Variants in SLC44A5 observed in about 807,000 individuals in gnomAD.
SLC44A5 encodes solute carrier family 44 member 5.
A neutral mutation model predicts 101.8 loss-of-function variants in SLC44A5; 57 were observed. The ratio of observed to expected loss-of-function variants is 0.56; its 90% confidence interval spans 0.45 to 0.70. The LOEUF is 0.70. SLC44A5 is among the 30% of genes least tolerant of loss of function. The pLI, the probability that SLC44A5 is intolerant of heterozygous loss-of-function variation, is 0.00. For synonymous variants in SLC44A5, 281 were observed against 290.9 expected (o/e 0.97, Z 0.35); for missense variants, 737 against 853.1 (o/e 0.86, Z 1.70).
chr1:75,491,731 GCACACACACACA>G (rs35416517), intron 2 of SLC44A5, among the ~76,000 whole-genome samples: 1 of 147,938 alleles, frequency 6.8e-6, no homozygotes, highest in Non-Finnish European at 1.5e-5. Context: ...ACGCACGCAC[GCACACACACACA>G]CACACACAGT....
chr1:75,302,104 G>GTTTTTTTTTTTTTTTTTTT lies in SLC44A5; in HGVS notation c.102-1420_102-1419insAAAAAAAAAAAAAAAAAAA, dbSNP rs1204998592. 8.1e-5 allele frequency among the ~76,000 whole-genome samples: 4 copies of GTTTTTTTTTTTTTTTTTTT among 49,590 alleles called. 1 individual carries two copies. Among genetic ancestry groups the GTTTTTTTTTTTTTTTTTTT allele is most frequent in the Admixed American group, 5.8e-4 (2 of 3,460 alleles). The allele number at this position is 49,590 out of a possible 152,430, so 32.5% of individuals were successfully genotyped here. A position where few individuals can be genotyped will look rare whatever the true frequency, so the allele number is the denominator to read the frequency against. On this transcript the variant is annotated intron_variant, in intron 4 of 23. Coordinates refer to ENST00000370859, the MANE Select transcript of SLC44A5 (RefSeq NM_001130058.2). Reference sequence around the variant, plus strand: ...ACAAGAGAAGAAAGCAGGTGCTCTAGTTTTTTTGTTTTTTTTTTTTTTTTT... The same window carrying GTTTTTTTTTTTTTTTTTTT: ...ACAAGAGAAGAAAGCAGGTGCTCTAGTTTTTTTTTTTTTTTTTTTTTTTTTTGTTTTTTTTTTTTTTTTT...
At chr1:75,500,240 T>C (rs912345509) in intron 2 of SLC44A5, among the ~76,000 whole-genome samples, 1 of 152,186 alleles carries the variant, frequency 6.6e-6, no homozygotes, top group African/African-American at 2.4e-5. Context: ...CAATCAATAC[T>C]GAAAGTCATG....
Position 75,222,400 on chromosome 1 carries a change from C to T in SLC44A5, c.1046G>A (p.Arg349Gln), listed in dbSNP as rs749152541. ...VILMLIFLRN[R>Q]IRVAIILLKE... ...CAGCAGGATAATGGCGACTCGGATT[C>T]GATTCCTGAGGAAGATCAGCATGAG... The change falls in exon 14 of 24, where the codon CGA (arginine) becomes CAA (glutamine). Residue 349 changes from arginine to glutamine, a missense_variant. Coordinates refer to ENST00000370859, the MANE Select transcript of SLC44A5 (RefSeq NM_001130058.2). 8.7e-6 allele frequency: 14 copies of T among 1,613,568 alleles called. No individual in the cohort carries two copies. In the South Asian group the frequency reaches 8.8e-5, roughly 10 times the overall value.
intron 2 of SLC44A5, among the ~76,000 whole-genome samples, chr1:75,460,018 A>G (rs75559498): frequency 6.6e-6 from 1 of 152,134 alleles, no homozygotes; most frequent in Non-Finnish European, 1.5e-5. Flanking sequence ...TTAAAACTGG[A>G]TTGTTCAGGT....
chr1:75,652,369 C>T, the SLC44A5 span, among the ~76,000 whole-genome samples: 2 of 152,224 alleles, frequency 1.3e-5, no homozygotes, highest in Non-Finnish European at 2.9e-5. Context: ...AAACTTGCCT[C>T]AGTCTCTCAC....
the SLC44A5 span, among the ~76,000 whole-genome samples, chr1:75,684,163 C>T: frequency 0.26 from 39,265 of 152,028 alleles, 5,403 homozygotes; most frequent in Middle Eastern, 0.37. Context: ...GAGACTTATT[C>T]ATTACCATGA....
chr1:75,451,730 G>T (rs1665918938), intron 2 of SLC44A5, among the ~76,000 whole-genome samples: 1 of 151,898 alleles, frequency 6.6e-6, no homozygotes, highest in African/African-American at 2.4e-5. Context: ...TGAGAGACTA[G>T]ACCAAGAAAA....
intron 1 of SLC44A5, among the ~76,000 whole-genome samples, chr1:75,548,530 C>T (rs1671772884): frequency 6.6e-6 from 1 of 151,976 alleles, no homozygotes; most frequent in African/African-American, 2.4e-5. Context: ...CTATTGGTCC[C>T]AAATATGCGG....
chr1:75,646,591 C>T, the SLC44A5 span, among the ~76,000 whole-genome samples: 1 of 152,082 alleles, frequency 6.6e-6, no homozygotes, highest in South Asian at 2.1e-4. Context: ...GGAGGGACAT[C>T]ATGGGAGGTA....
intron 12 of SLC44A5, among the ~76,000 whole-genome samples, chr1:75,233,103 T>C (rs566306502): frequency 3.9e-5 from 6 of 152,316 alleles, no homozygotes; most frequent in African/African-American, 1.4e-4. Flanking sequence ...TGGTATATAC[T>C]GTTCCACGTG....
chr1:75,450,502 T>C (rs1051483810), intron 2 of SLC44A5, among the ~76,000 whole-genome samples: 1 of 152,194 alleles, frequency 6.6e-6, no homozygotes, highest in South Asian at 2.1e-4. Context: ...AGGGCTTACA[T>C]AGCAAGAACT....
intron 2 of SLC44A5, among the ~76,000 whole-genome samples, chr1:75,480,225 G>A (rs1238801569): frequency 4.6e-5 from 7 of 152,106 alleles, no homozygotes; most frequent in Non-Finnish European, 8.8e-5. Context: ...AAAACTCTCA[G>A]TAAATTAGGT....
chr1:75,379,264 G>A (rs1462471231), intron 3 of SLC44A5, among the ~76,000 whole-genome samples: 1 of 57,520 alleles, frequency 1.7e-5, no homozygotes, highest in Admixed American at 1.8e-4. Context: ...TGGCAAAATC[G>A]TCTCTCTCAC....
chr1:75,215,862 GAGA>G lies in SLC44A5; in HGVS notation c.1625-8_1625-6del. 1 of 1,450,862 alleles carries G rather than the reference GAGA, an allele frequency of 6.9e-7. No individual in the cohort carries two copies. The highest frequency in any genetic ancestry group is 9.7e-7 in the Non-Finnish European group (1 of 1,035,394). 89.9% of individuals were successfully genotyped at this position (1,450,862 alleles called of 1,614,324 possible). On this transcript the variant is annotated splice_polypyrimidine_tract_variant and splice_region_variant and intron_variant, in intron 18 of 23. Coordinates refer to ENST00000370859, the MANE Select transcript of SLC44A5 (RefSeq NM_001130058.2). Reference sequence around the variant, plus strand: ...TAGACAATGTGTTCTGGGTACCTATGAGAAGGAGATATTTAAATCTATTAATGA... The same window carrying G: ...TAGACAATGTGTTCTGGGTACCTATGAGGAGATATTTAAATCTATTAATGA...
intron 1 of SLC44A5, among the ~76,000 whole-genome samples, chr1:75,565,216 T>C (rs1229287305): frequency 6.6e-6 from 1 of 152,162 alleles, no homozygotes; most frequent in Non-Finnish European, 1.5e-5. Context: ...TCAATCTATT[T>C]TCATCGGAAT....
chr1:75,588,248 G>C (rs1326833055), intron 1 of SLC44A5, among the ~76,000 whole-genome samples: 2 of 132,906 alleles, frequency 1.5e-5, no homozygotes, highest in African/African-American at 5.4e-5. Flanking sequence ...AGGAAGGAGT[G>C]AAGGAGGGAA....
chr1:75,602,814 G>C (rs182278874), intron 1 of SLC44A5, among the ~76,000 whole-genome samples: 1 of 151,940 alleles, frequency 6.6e-6, no homozygotes, highest in Non-Finnish European at 1.5e-5. Context: ...TACCTTTTTT[G>C]TTAAATTTTA....
upstream of SLC44A5, among the ~76,000 whole-genome samples, chr1:75,612,257 G>A (rs1675687496): frequency 6.6e-6 from 1 of 152,122 alleles, no homozygotes; most frequent in South Asian, 2.1e-4. Flanking sequence ...TCCAGGAGAG[G>A]AATGTATCCC....
At chr1:75,388,253 T>TAA (rs1205295697) in intron 3 of SLC44A5, among the ~76,000 whole-genome samples, 2 of 122,248 alleles carry the variant, frequency 1.6e-5, no homozygotes, top group Non-Finnish European at 3.6e-5. Flanking sequence ...AAAACAGTAT[T>TAA]AAAAAAAAAA....
Sources: gnomAD v4.1 joint callset for allele counts (sites outside exome capture counted in the v4.1 genomes callset) on GRCh38, gnomAD v4.1.1 for gene constraint, MANE v1.5 for transcripts, NCBI Gene and HGNC (gene_info 2026-07-23, HGNC 2026-07-21) for gene names.